The following BMX variants were observed in gnomAD, a reference collection of about 807,000 sequenced individuals.
The protein encoded by BMX is cytoplasmic tyrosine-protein kinase BMX.
Under a neutral mutation model 59.2 loss-of-function variants are expected in BMX, and 31 were observed. The ratio of observed to expected loss-of-function variants is 0.52; its 90% confidence interval spans 0.39 to 0.71. The LOEUF (loss-of-function observed/expected upper bound fraction) is 0.71. BMX is among the 30% of genes least tolerant of loss of function. The pLI, the probability that BMX is intolerant of heterozygous loss-of-function variation, is 0.00. For synonymous variants in BMX, 185 were observed against 181.0 expected (o/e 1.02, Z -0.18); for missense variants, 474 against 491.7 (o/e 0.96, Z 0.34).
chrX:15,510,161 A>G (rs1923898718), intron 3 of BMX, among the ~76,000 whole-genome samples: 1 of 111,580 alleles, frequency 9.0e-6, no homozygotes, highest in Non-Finnish European at 1.9e-5. Flanking sequence ...ATTTTAAACA[A>G]TGGTATGGTA....
intron 6 of BMX, 71 bp downstream of exon 6, chrX:15,518,064 A>C (rs1372878241): frequency 8.8e-6 from 8 of 907,547 alleles, no homozygotes; most frequent in Non-Finnish European, 1.2e-5. Context: ...GCCAGATTCA[A>C]GACTAGAAAA....
chrX:15,541,954 T>C (rs747298578), intron 14 of BMX, 28 bp from the exon 15 acceptor site: 7 of 1,163,329 alleles, frequency 6.0e-6, no homozygotes, highest in Non-Finnish European at 7.0e-6. Context: ...GTGTGGAGCA[T>C]TGAACTTTGA....
intron 9 of BMX, among the ~76,000 whole-genome samples, chrX:15,529,095 CAAG>C (rs1308265522): frequency 9.0e-6 from 1 of 111,656 alleles, no homozygotes; most frequent in Non-Finnish European, 1.9e-5. Context: ...CAAACAAGGC[CAAG>C]TGGCTTGTTC....
rs1285065649 is a variant in BMX at position 15,527,283 on chromosome X, T to TATATATATATAC, written c.884+1189_884+1190insTATATATATACA. On this transcript the variant is annotated intron_variant, in intron 9 of 18. Transcript: ENST00000348343. The stretch of plus-strand genomic sequence containing the variant: ...ATATATATATATATATATATATATA[T>TATATATATATAC]ACACACACACACACACACATATATA... Among the ~76,000 whole-genome samples, 211 of 65,622 alleles carry TATATATATATAC rather than the reference T, an allele frequency of 3.2e-3. 1 individual carries two copies. Among genetic ancestry groups the TATATATATATAC allele is most frequent in the Middle Eastern group, 9.2e-3 (1 of 109 alleles). 57.0% of individuals were successfully genotyped at this position (65,622 alleles called of 115,157 possible). A position where few individuals can be genotyped will look rare whatever the true frequency, so the allele number is the denominator to read the frequency against.
chrX:15,519,264 A>T (rs1402774215), intron 6 of BMX, among the ~76,000 whole-genome samples: 1 of 111,982 alleles, frequency 8.9e-6, no homozygotes, highest in East Asian at 2.8e-4. Flanking sequence ...AGCTACACAC[A>T]TTCGCACACA....
chrX:15,509,581 C>G (rs1349513145), intron 3 of BMX, 148 bp downstream of exon 3: 1 of 441,090 alleles, frequency 2.3e-6, no homozygotes, highest in Non-Finnish European at 3.7e-6. Context: ...GGGCATTTTG[C>G]TAAAATTCTG....
At chrX:15,531,714 T>C (rs1925082184) in intron 11 of BMX, among the ~76,000 whole-genome samples, 2 of 111,144 alleles carry the variant, frequency 1.8e-5, no homozygotes, top group Middle Eastern at 4.6e-3. Context: ...TCTCGGGTGA[T>C]TCCCTTTCAT....
chrX:15,518,019 T>G, intron 6 of BMX, 26 bp downstream of exon 6: 2 of 1,158,927 alleles, frequency 1.7e-6, no homozygotes, highest in Admixed American at 2.2e-5. Flanking sequence ...AAAAATGTTT[T>G]TCATGGTCAG....
At chrX:15,551,699 T>A (rs773602772) in intron 18 of BMX, among the ~76,000 whole-genome samples, 1 of 111,188 alleles carries the variant, frequency 9.0e-6, no homozygotes, top group African/African-American at 3.3e-5. Context: ...ACAATATTTT[T>A]CGTTTAGCCT....
Position 15,516,167 on chromosome X carries a change from C to T in BMX, c.381C>T (p.Asp127=), listed in dbSNP as rs756118177. The T allele has an allele frequency of 2.4e-5, 29 of 1,209,884 alleles. No individual in the cohort carries two copies. The East Asian group carries it at 2.7e-4, about 11-fold the overall frequency. The change falls in exon 5 of 19, where the codon GAC becomes GAT. Residue 127 remains aspartate (D), a synonymous_variant. Transcript: ENST00000348343. ...LVKYHSGFFV[D]GKFLCCQQSC... is the part of the protein sequence containing the mutation. ...AGTACCATAGTGGGTTCTTCGTGGA[C>T]GGGAAGTTCCTGTGTTGCCAGCAGA...
intron 4 of BMX, among the ~76,000 whole-genome samples, chrX:15,512,351 GATTTT>G (rs759496829): frequency 9.5e-6 from 1 of 105,351 alleles, no homozygotes; most frequent in Non-Finnish European, 1.9e-5. Flanking sequence ...GATGGAGGAA[GATTTT>G]ATTTTATTTT....
chrX:15,515,343 A>T (rs1468956489), intron 4 of BMX, among the ~76,000 whole-genome samples: 9 of 110,274 alleles, frequency 8.2e-5, no homozygotes, highest in Non-Finnish European at 3.8e-5. Context: ...TTTAAAAATT[A>T]ATAATAATAA....
rs774877280 is a variant in BMX at position 15,524,062 on chromosome X, G to A, written c.753-1226G>A. On this transcript the variant is annotated intron_variant, in intron 7 of 18. Coordinates refer to ENST00000348343, the MANE Select transcript of BMX (RefSeq NM_203281.3). ...GGATAATACTTTTTATCAACTTTCT[G>A]TCATTCTTACAATCTTCCCTGAGCT... Among the ~76,000 whole-genome samples the A allele has an allele frequency of 4.5e-5, 5 of 112,217 alleles. No individual in the cohort carries two copies. In the South Asian group the frequency reaches 1.5e-3, roughly 33 times the overall value.
Position 15,508,411 on chromosome X carries a change from A to G in BMX, c.58A>G (p.Lys20Glu). 1 of 1,184,520 alleles carries G rather than the reference A, an allele frequency of 8.4e-7. No individual in the cohort carries two copies. The highest frequency in any genetic ancestry group is 2.3e-5 in the Admixed American group (1 of 43,958). Reference protein sequence around the residue: ...LLLKRSQQKKKMSPNNYKERL... With the variant: ...LLLKRSQQKKEMSPNNYKERL... ...TCTCAAAAGATCACAGCAAAAGAAG[A>G]AAATGTCACCAAATAATTACAAAGA... Residue 20 changes from lysine to glutamate, a missense_variant, in exon 2 of 19, where the codon AAA becomes GAA. Transcript: ENST00000348343.
intron 18 of BMX, among the ~76,000 whole-genome samples, chrX:15,554,865 A>G (rs962990190): frequency 9.0e-6 from 1 of 111,250 alleles, no homozygotes; most frequent in Non-Finnish European, 1.9e-5. Flanking sequence ...CTAATATTAT[A>G]CTAAATTTCC....
chrX:15,511,562 G>C (rs376304899), intron 4 of BMX, 44 bp downstream of exon 4: 188 of 1,105,883 alleles, frequency 1.7e-4, no homozygotes, highest in Non-Finnish European at 2.2e-4. Context: ...GTCAAAAAAA[G>C]CCATAAAAGA....
chrX:15,547,414 G>A (rs1320291382), intron 17 of BMX, among the ~76,000 whole-genome samples: 1 of 112,351 alleles, frequency 8.9e-6, no homozygotes, highest in African/African-American at 3.2e-5. Flanking sequence ...CTTCTGCGCT[G>A]ACCAATTCTT....
intron 6 of BMX, among the ~76,000 whole-genome samples, chrX:15,520,929 T>C: frequency 9.0e-6 from 1 of 111,452 alleles, no homozygotes; most frequent in South Asian, 3.7e-4. Context: ...ATTTCCAGAA[T>C]GTCAAAGCCT....
intron 14 of BMX, among the ~76,000 whole-genome samples, chrX:15,538,362 G>T (rs1015555095): frequency 9.0e-5 from 10 of 111,430 alleles, no homozygotes; most frequent in African/African-American, 3.3e-4. Context: ...AAACCTCCCA[G>T]CCCCAGGCAA....
Sources: allele counts gnomAD v4.1 joint callset (sites outside exome capture counted in the v4.1 genomes callset), GRCh38; gene constraint gnomAD v4.1.1; transcripts MANE v1.5; gene names NCBI Gene and HGNC (gene_info 2026-07-23, HGNC 2026-07-21).